POTEC: variants seen among roughly 807,000 people sequenced by gnomAD.
POTEC encodes the protein ANKRD26-like family B member 2.
In POTEC, 35 loss-of-function variants were observed where a neutral mutation model predicts 62.0. That is an observed-to-expected ratio of 0.56 (90% CI 0.43 to 0.75). The LOEUF is 0.75. POTEC is among the 30% of genes least tolerant of loss of function. The pLI, the probability that POTEC is intolerant of heterozygous loss-of-function variation, is 0.00. For missense variants in POTEC, 472 were observed against 655.9 expected (o/e 0.72, Z 3.06); for synonymous variants, 156 against 221.5 (o/e 0.70, Z 2.62).
chr18:14,527,933 G>A (rs7229742), intron 6 of POTEC: 1 of 152,212 alleles, frequency 6.6e-6, no homozygotes, highest in Non-Finnish European at 1.5e-5. Context: ...AGCTTCCTTT[G>A]TCTCCTGGTT....
rs547970990 is a variant in POTEC, at chr18:14,515,800, C to A, written c.1410-2015G>T. 2.3e-3 allele frequency among the ~76,000 whole-genome samples: 347 copies of A among 151,384 alleles called. 5 individuals are homozygous for A. Among genetic ancestry groups the A allele is most frequent in the South Asian group, 3.8e-3 (18 of 4,782 alleles). On this transcript the variant is annotated intron_variant, in intron 9 of 10. Coordinates refer to ENST00000358970, the MANE Select transcript of POTEC (RefSeq NM_001137671.2). ...TCTAACAAAGGATTAATGTCCATAA[C>A]CTACCAGAAACTCAAACAAATCAGC...
At chr18:14,526,817 G>C (rs995541157) in intron 6 of POTEC, among the ~76,000 whole-genome samples, 1 of 152,074 alleles carries the variant, frequency 6.6e-6, no homozygotes, top group Admixed American at 6.6e-5. Context: ...TTCAAGAGTG[G>C]TCCCTGGTCC....
intron 10 of POTEC, among the ~76,000 whole-genome samples, chr18:14,512,707 GT>G (rs1910040050): frequency 6.6e-6 from 1 of 152,254 alleles, no homozygotes; most frequent in South Asian, 2.1e-4. Context: ...GGAGGCAGAG[GT>G]TGCAGTGAAC....
intron 4 of POTEC, among the ~76,000 whole-genome samples, chr18:14,533,702 G>A (rs1449556313): frequency 7.3e-4 from 111 of 152,284 alleles, no homozygotes; most frequent in African/African-American, 2.6e-3. Flanking sequence ...AATGCCACAT[G>A]TATCTTTCTT....
chr18:14,532,445 T>A (rs1362105542), intron 5 of POTEC, among the ~76,000 whole-genome samples: 1 of 152,066 alleles, frequency 6.6e-6, no homozygotes, highest in African/African-American at 2.4e-5. Context: ...ACTGTATGAA[T>A]CCCCATGAAG....
chr18:14,516,655 CA>C (rs2143115045), intron 9 of POTEC, among the ~76,000 whole-genome samples: 1 of 48,212 alleles, frequency 2.1e-5, no homozygotes, highest in South Asian at 5.4e-4. Flanking sequence ...AACACAAAGC[CA>C]AACTACTGGG....
chr18:14,511,275 G>C lies in POTEC; in HGVS notation c.*623C>G, dbSNP rs1162022276. ...TCCAGTGACGAGGAACAGGATCAGA[G>C]GCCTGCTTACAGAAGCATTCTGGAC... On this transcript the variant is annotated 3_prime_UTR_variant, in exon 11 of 11. Coordinates refer to ENST00000358970, the MANE Select transcript of POTEC (RefSeq NM_001137671.2). 1 of 174,176 alleles carries C rather than the reference G, an allele frequency of 5.7e-6. No individual in the cohort carries two copies. Among genetic ancestry groups the C allele is most frequent in the Non-Finnish European group, 1.2e-5 (1 of 82,534 alleles). 10.8% of individuals were successfully genotyped at this position (174,176 alleles called of 1,614,324 possible).
chr18:14,528,955 C>T (rs1910508494), intron 6 of POTEC: 1 of 454,284 alleles, frequency 2.2e-6, no homozygotes, highest in African/African-American at 2.0e-5. Flanking sequence ...CTCTTCCTGC[C>T]AAACAGGCAA....
At chr18:14,519,790 G>A (rs1444452346) in intron 9 of POTEC, among the ~76,000 whole-genome samples, 1 of 152,006 alleles carries the variant, frequency 6.6e-6, no homozygotes, top group Non-Finnish European at 1.5e-5. Flanking sequence ...TGTCCAAAAG[G>A]AGAAAGATGA....
At chr18:14,535,933 T>C (rs1324528608) in intron 3 of POTEC, among the ~76,000 whole-genome samples, 3 of 151,982 alleles carry the variant, frequency 2.0e-5, no homozygotes, top group Non-Finnish European at 2.9e-5. Context: ...AGCTGATAGA[T>C]AGTGCCAATA....
chr18:14,520,525 G>A (rs1169564911), intron 9 of POTEC, among the ~76,000 whole-genome samples: 2 of 152,132 alleles, frequency 1.3e-5, no homozygotes, highest in African/African-American at 4.8e-5. Flanking sequence ...CAGGAATAAA[G>A]TGGCAGAAAT....
At chr18:14,541,656 T>C (rs1300039541) in intron 1 of POTEC, among the ~76,000 whole-genome samples, 17 of 152,076 alleles carry the variant, frequency 1.1e-4, no homozygotes, top group Non-Finnish European at 2.2e-4. Flanking sequence ...TAAATAAATA[T>C]TTGCACATAT....
In POTEC at chr18:14,542,744, C is replaced by G. The variant is rs199534334; in HGVS notation, c.403G>C (p.Val135Leu). The change falls in exon 1 of 11, where the codon GTC becomes CTC. Residue 135 changes from valine (V) to leucine (L), a missense_variant. Physicochemically the swap from Val to Leu is conservative, Grantham distance 32 (BLOSUM62 1). Transcript: ENST00000358970. ...AGCTTGTCCAGATCTTCTCGACGGA[C>G]GTGGTACCTCGGCTCCATGAAGGCG... ...DSAFMEPRYH[V>L]RREDLDKLHR... 243 of 1,613,452 alleles carry G rather than the reference C, an allele frequency of 1.5e-4. No individual in the cohort carries two copies. The highest frequency in any genetic ancestry group is 2.0e-4 in the Non-Finnish European group (235 of 1,179,874).
intron 9 of POTEC, among the ~76,000 whole-genome samples, chr18:14,516,668 G>GGC (rs1365626084): frequency 2.1e-5 from 3 of 146,016 alleles, no homozygotes; most frequent in African/African-American, 7.9e-5. Flanking sequence ...ACTACTGGGG[G>GGC]GGGGTGTATC....
intron 6 of POTEC, among the ~76,000 whole-genome samples, chr18:14,525,948 C>A (rs1910423892): frequency 6.6e-6 from 1 of 151,978 alleles, no homozygotes; most frequent in South Asian, 2.1e-4. Flanking sequence ...TGTCACCAGG[C>A]TGGAGTGCGG....
rs554487414 is a variant in POTEC, at chr18:14,517,339, G to T, written c.1410-3554C>A. ...GAAATCTAGTCAATCAATGACCACTGCTCTTGCTCACCAACCAATATCAAT... is the reference window on the plus strand; with the variant it reads ...GAAATCTAGTCAATCAATGACCACTTCTCTTGCTCACCAACCAATATCAAT... On this transcript the variant is annotated intron_variant, in intron 9 of 10. Transcript: ENST00000358970. 2.0e-5 allele frequency among the ~76,000 whole-genome samples: 3 copies of T among 152,264 alleles called. No individual in the cohort carries two copies. In the East Asian group the frequency reaches 5.8e-4, roughly 29 times the overall value.
rs545893380 is a variant in POTEC at position 14,513,685 on chromosome 18, C to G, written c.1510G>C (p.Ala504Pro). Residue 504 changes from alanine (A) to proline (P), a missense_variant, in exon 10 of 11, where the codon GCT (alanine) becomes CCT (proline). By Grantham distance (27) the Ala-to-Pro change is conservative (BLOSUM62 -1). This residue lies in a region of POTEC where 67 missense variants were observed against 58.3 expected (regional missense o/e 1.15). Coordinates refer to ENST00000358970, the MANE Select transcript of POTEC (RefSeq NM_001137671.2). ...ACCTCAGAATTCATTTTCTTTTCAG[C>G]CACTTCTATCTGCTTTTGTTTATTA... ...LTNKQKQIEV[A>P]EKKMNSELSL... The G allele has an allele frequency of 3.1e-6, 5 of 1,611,794 alleles. No individual in the cohort carries two copies. In the South Asian group the frequency reaches 4.4e-5, roughly 14 times the overall value.
chr18:14,522,467 A>C (rs1446907567), intron 8 of POTEC, 47 bp from the exon 9 acceptor site: 2 of 1,453,992 alleles, frequency 1.4e-6, no homozygotes, highest in East Asian at 4.8e-5. Context: ...TTTATTGAAT[A>C]AAAATAACCT....
Position 14,511,838 on chromosome 18 carries a change from C to T in POTEC, c.*60G>A. 2.2e-6 allele frequency: 3 copies of T among 1,371,018 alleles called. No individual in the cohort carries two copies. The highest frequency in any genetic ancestry group is 1.2e-5 in the South Asian group (1 of 85,258). The allele number at this position is 1,371,018 out of a possible 1,614,324, so 84.9% of individuals were successfully genotyped here. A position where few individuals can be genotyped will look rare whatever the true frequency, so the allele number is the denominator to read the frequency against. Reference sequence around the variant, plus strand: ...AGAAGTTTATCAGTCTTTTCTTTCACACTTTCAATTTCCTCCAAAATTTTA... The same window carrying T: ...AGAAGTTTATCAGTCTTTTCTTTCATACTTTCAATTTCCTCCAAAATTTTA... On this transcript the variant is annotated 3_prime_UTR_variant, in exon 11 of 11. Transcript: ENST00000358970.
Sources: allele counts gnomAD v4.1 joint callset (sites outside exome capture counted in the v4.1 genomes callset), GRCh38; gene constraint gnomAD v4.1.1; regional missense constraint gnomAD v4.1.1; transcripts MANE v1.5; gene names NCBI Gene and HGNC (gene_info 2026-07-23, HGNC 2026-07-21).